PTPN14: variants seen among roughly 807,000 people sequenced by gnomAD.
PTPN14 encodes the protein protein tyrosine phosphatase non-receptor type 14.
A neutral mutation model predicts 126.8 loss-of-function variants in PTPN14; 53 were observed. The observed-to-expected ratio is 0.42, with a 90% CI of 0.34 to 0.53. The LOEUF is 0.53. Among genes scored for constraint, PTPN14 ranks in the 20% least tolerant of loss-of-function variants. PTPN14 has a pLI of 0.08. For synonymous variants in PTPN14, 630 were observed against 599.3 expected (o/e 1.05, Z -0.75); for missense variants, 1,257 against 1,552.9 (o/e 0.81, Z 3.20).
intron 3 of PTPN14, among the ~76,000 whole-genome samples, chr1:214,426,295 G>C (rs1420180187): frequency 6.6e-6 from 1 of 151,966 alleles, no homozygotes; most frequent in African/African-American, 2.4e-5. Context: ...CCAAAATCAT[G>C]CTTGATATTT....
At chr1:214,463,061 T>C (rs1196583339) in intron 2 of PTPN14, among the ~76,000 whole-genome samples, 1 of 152,176 alleles carries the variant, frequency 6.6e-6, no homozygotes, top group African/African-American at 2.4e-5. Context: ...AGCTAATAAA[T>C]GACAGAAGAG....
chr1:214,420,736 T>C (rs776812793), intron 3 of PTPN14, among the ~76,000 whole-genome samples: 4 of 152,206 alleles, frequency 2.6e-5, no homozygotes, highest in Non-Finnish European at 5.9e-5. Context: ...GGAGAGAGAA[T>C]GTCCTGACAC....
At chr1:214,498,573 T>C (rs1233381456) in intron 1 of PTPN14, among the ~76,000 whole-genome samples, 2 of 148,904 alleles carry the variant, frequency 1.3e-5, no homozygotes, top group Non-Finnish European at 3.0e-5. Context: ...CTCAATAATA[T>C]ATGGAAACAT....
At position 214,522,339 on chromosome 1, in the gene PTPN14, C is replaced by T. The variant is rs987466141; in HGVS notation, c.-155+28844G>A. Among the ~76,000 whole-genome samples the T allele has an allele frequency of 5.3e-5, 8 of 152,126 alleles. No individual in the cohort carries two copies. In the East Asian group the frequency reaches 5.8e-4, roughly 11 times the overall value. The stretch of plus-strand genomic sequence containing the variant: ...AGCTTCAATGGAATATGGAAACCTA[C>T]GGCAAGTTTGGAAGTAGGTACAATC... On this transcript the variant is annotated intron_variant, in intron 1 of 18. Transcript: ENST00000366956.
intron 12 of PTPN14, among the ~76,000 whole-genome samples, chr1:214,386,026 C>T (rs1658600654): frequency 6.6e-6 from 1 of 152,220 alleles, no homozygotes; most frequent in Non-Finnish European, 1.5e-5. Context: ...CCATTTACTA[C>T]ATTTCCAACA....
At chr1:214,445,203 C>A (rs1660115539) in intron 3 of PTPN14, among the ~76,000 whole-genome samples, 1 of 152,102 alleles carries the variant, frequency 6.6e-6, no homozygotes, top group South Asian at 2.1e-4. Context: ...TAGGGGATAC[C>A]CATAGCTGCT....
rs1159209240 is a variant in PTPN14, at chr1:214,436,786, C to CAAAAAAAAAAAA, written c.344+15007_344+15018dup. Among the ~76,000 whole-genome samples, 169 of 46,592 alleles carry CAAAAAAAAAAAA rather than the reference C, an allele frequency of 3.6e-3. 7 individuals are homozygous for CAAAAAAAAAAAA. The highest frequency in any genetic ancestry group is 0.013 in the African/African-American group (163 of 13,010). 30.6% of individuals were successfully genotyped at this position (46,592 alleles called of 152,430 possible). Reference sequence around the variant, plus strand: ...TGGGCGACAGAGAAAGACTCCGTCTCAAAAAAAAAAAAAAAAAAAAAAAAA... The same window carrying CAAAAAAAAAAAA: ...TGGGCGACAGAGAAAGACTCCGTCTCAAAAAAAAAAAAAAAAAAAAAAAAAAAAAAAAAAAAA... On this transcript the variant is annotated intron_variant, in intron 3 of 18. Transcript: ENST00000366956.
chr1:214,472,100 T>C (rs1329767430), intron 1 of PTPN14, among the ~76,000 whole-genome samples: 10 of 152,198 alleles, frequency 6.6e-5, no homozygotes, highest in African/African-American at 1.7e-4. Flanking sequence ...TGGAGCTTTA[T>C]ACATGGCAGG....
Position 214,398,252 on chromosome 1 carries a change from C to T in PTPN14, c.670-251G>A, listed in dbSNP as rs1197882370. On this transcript the variant is annotated intron_variant, in intron 7 of 18. Transcript: ENST00000366956. ...AGCCAGGTACAGAAAGCAAATAACA[C>T]GTGTTCTCACTTACACATGGAATCT... 3.3e-5 allele frequency among the ~76,000 whole-genome samples: 5 copies of T among 152,120 alleles called. 1 individual carries two copies. Among genetic ancestry groups the T allele is most frequent in the East Asian group, 3.8e-4 (2 of 5,200 alleles).
intron 5 of PTPN14, among the ~76,000 whole-genome samples, chr1:214,408,857 T>A (rs139599171): frequency 2.9e-4 from 44 of 151,410 alleles, no homozygotes; most frequent in African/African-American, 1.0e-3. Context: ...GAGGAGAAGC[T>A]CAGTACGTTC....
chr1:214,440,291 CTA>C (rs1478514430), intron 3 of PTPN14, among the ~76,000 whole-genome samples: 1 of 151,426 alleles, frequency 6.6e-6, no homozygotes, highest in Admixed American at 6.5e-5. Flanking sequence ...ATATAAAACT[CTA>C]TCATTCTGGT....
intron 8 of PTPN14, among the ~76,000 whole-genome samples, chr1:214,397,283 T>C (rs959106342): frequency 1.3e-5 from 2 of 152,166 alleles, no homozygotes; most frequent in African/African-American, 4.8e-5. Context: ...CTTCCAATCA[T>C]GGGCCATGTT....
At chr1:214,441,674 G>A (rs1301262699) in intron 3 of PTPN14, among the ~76,000 whole-genome samples, 1 of 152,148 alleles carries the variant, frequency 6.6e-6, no homozygotes, top group African/African-American at 2.4e-5. Context: ...TTTATGGGAA[G>A]CGGATGTCTC....
In PTPN14 at chr1:214,451,792, A is replaced by G; in HGVS notation, c.344+13T>C. The G allele has an allele frequency of 6.2e-7, 1 of 1,612,474 alleles. No homozygotes were observed. The highest frequency in any genetic ancestry group is 8.5e-7 in the Non-Finnish European group (1 of 1,179,196). ...ACACCCTTATATGGCACACAGGGGG[A>G]AAATGCACCTACCTTGTGGCCTCTT... On this transcript the variant is annotated intron_variant, in intron 3 of 18. Coordinates refer to ENST00000366956, the MANE Select transcript of PTPN14 (RefSeq NM_005401.5).
intron 1 of PTPN14, among the ~76,000 whole-genome samples, chr1:214,538,597 C>G (rs916717598): frequency 2.6e-5 from 4 of 152,138 alleles, no homozygotes; most frequent in Admixed American, 6.5e-5. Flanking sequence ...ATTCACAATG[C>G]CTGTTACGTG....
At chr1:214,377,897 G>A in intron 14 of PTPN14, 62 bp downstream of exon 14, 6 of 1,548,996 alleles carry the variant, frequency 3.9e-6, no homozygotes, top group Non-Finnish European at 5.2e-6. Flanking sequence ...TTCGGGCAAG[G>A]AGGGTGTTTT....
At chr1:214,360,997 T>A (rs537735364) in intron 18 of PTPN14, among the ~76,000 whole-genome samples, 5 of 152,188 alleles carry the variant, frequency 3.3e-5, no homozygotes, top group Non-Finnish European at 1.5e-5. Context: ...CCTGCTGCCA[T>A]GTGAAGACGT....
chr1:214,437,884 A>C (rs1351243486), intron 3 of PTPN14, among the ~76,000 whole-genome samples: 1 of 152,214 alleles, frequency 6.6e-6, no homozygotes, highest in Non-Finnish European at 1.5e-5. Context: ...CCATTTAACC[A>C]AACTTAAATG....
chr1:214,465,402 G>C (rs1044285602), intron 1 of PTPN14, among the ~76,000 whole-genome samples: 1 of 152,084 alleles, frequency 6.6e-6, no homozygotes, highest in Non-Finnish European at 1.5e-5. Context: ...TTAAGCCCAG[G>C]AGTCCAAAAC....
Sources: allele counts gnomAD v4.1 joint callset (sites outside exome capture counted in the v4.1 genomes callset), GRCh38; gene constraint gnomAD v4.1.1; transcripts MANE v1.5; gene names NCBI Gene and HGNC (gene_info 2026-07-23, HGNC 2026-07-21).